LUZP2: variants seen among roughly 807,000 people sequenced by gnomAD.
LUZP2 encodes leucine zipper protein 2.
In LUZP2, 52 loss-of-function variants were observed where a neutral mutation model predicts 51.6. The ratio of observed to expected loss-of-function variants is 1.01; its 90% CI spans 0.81 to 1.27. The LOEUF (loss-of-function observed/expected upper bound fraction) is 1.27. Among genes scored for constraint, LUZP2 ranks in the 50% most tolerant of loss-of-function variants. The pLI, the probability that LUZP2 is intolerant of heterozygous loss-of-function variation, is 0.00. For missense variants in LUZP2, 436 were observed against 395.4 expected, an observed-to-expected ratio of 1.10 and a Z score of -0.87; for synonymous variants, 154 against 137.3, an observed-to-expected ratio of 1.12 and a Z score of -0.85.
At chr11:24,571,859 G>T (rs1852454054) in intron 1 of LUZP2, among the ~76,000 whole-genome samples, 1 of 151,944 alleles carries the variant, frequency 6.6e-6, no homozygotes, top group Admixed American at 6.6e-5. Flanking sequence ...TATAGCTTGT[G>T]ATTACTATAA....
chr11:24,602,126 G>GTATATATGTATATATGTA (rs533429284), intron 1 of LUZP2, among the ~76,000 whole-genome samples: 29 of 105,162 alleles, frequency 2.8e-4, no homozygotes, highest in African/African-American at 1.1e-3. Flanking sequence ...ATGTATATAT[G>GTATATATGTATATATGTA]TATATGTGTA....
chr11:24,871,785 A>C (rs533459006), intron 5 of LUZP2, among the ~76,000 whole-genome samples: 1 of 152,272 alleles, frequency 6.6e-6, no homozygotes, highest in Non-Finnish European at 1.5e-5. Flanking sequence ...CAAATTTGAT[A>C]AAATCAAGGT....
intron 7 of LUZP2, among the ~76,000 whole-genome samples, chr11:24,962,618 G>T (rs549517222): frequency 1.3e-5 from 2 of 152,276 alleles, no homozygotes; most frequent in Non-Finnish European, 2.9e-5. Flanking sequence ...AGCTCCATCA[G>T]CTCCTTTAGG....
intron 2 of LUZP2, among the ~76,000 whole-genome samples, chr11:24,730,812 T>C (rs950331024): frequency 6.6e-6 from 1 of 151,730 alleles, no homozygotes; most frequent in Non-Finnish European, 1.5e-5. Flanking sequence ...TATACAATTT[T>C]ATGGAGCTAC....
At chr11:24,815,545 ATAAG>A (rs1181903391) in intron 5 of LUZP2, among the ~76,000 whole-genome samples, 2 of 152,178 alleles carry the variant, frequency 1.3e-5, no homozygotes, top group Non-Finnish European at 2.9e-5. Context: ...CTGGTGTCAT[ATAAG>A]TAAGAGTTGA....
intron 5 of LUZP2, among the ~76,000 whole-genome samples, chr11:24,840,837 A>T (rs186963872): frequency 6.6e-6 from 1 of 152,138 alleles, no homozygotes; most frequent in East Asian, 1.9e-4. Context: ...TGTCAGCATC[A>T]TTCTATCTAA....
chr11:24,531,972 G>A (rs892422102), intron 1 of LUZP2, among the ~76,000 whole-genome samples: 5 of 150,724 alleles, frequency 3.3e-5, no homozygotes, highest in African/African-American at 4.9e-5. Context: ...TGCTACCACC[G>A]TAATCCAAGC....
chr11:24,826,301 C>CT (rs1406615178), intron 5 of LUZP2, among the ~76,000 whole-genome samples: 2 of 148,834 alleles, frequency 1.3e-5, no homozygotes, highest in Admixed American at 6.7e-5. Flanking sequence ...TAATTATTGT[C>CT]TTATAGATCT....
At chr11:24,677,165 G>A (rs1381137552) in intron 1 of LUZP2, among the ~76,000 whole-genome samples, 1 of 151,950 alleles carries the variant, frequency 6.6e-6, no homozygotes, top group Admixed American at 6.6e-5. Context: ...ATCTCCACCT[G>A]TAGCTGCCTG....
At chr11:24,607,287 C>A (rs1035017149) in intron 1 of LUZP2, among the ~76,000 whole-genome samples, 2 of 142,604 alleles carry the variant, frequency 1.4e-5, no homozygotes, top group African/African-American at 2.6e-5. Context: ...ATGTTTGAAC[C>A]TTTAATCCAT....
At chr11:24,986,739 A>C (rs1005058553) in intron 9 of LUZP2, among the ~76,000 whole-genome samples, 1 of 151,756 alleles carries the variant, frequency 6.6e-6, no homozygotes, top group Non-Finnish European at 1.5e-5. Context: ...CTCACTTTGT[A>C]TATCTATTGC....
intron 1 of LUZP2, among the ~76,000 whole-genome samples, chr11:24,674,982 T>G (rs1282940592): frequency 2.6e-5 from 4 of 152,230 alleles, no homozygotes; most frequent in Admixed American, 6.5e-5. Context: ...ATGTTGTTTG[T>G]GTAGCACATA....
rs952789853 is a variant in LUZP2, at chr11:25,063,718, C to A, written c.858+13588C>A. The stretch of plus-strand genomic sequence containing the variant: ...TGAATGGACCACATTAATCATTAAC[C>A]ACCATTTGTTAAATACATAATTTCA... On this transcript the variant is annotated intron_variant, in intron 10 of 11. Transcript: ENST00000336930. Among the ~76,000 whole-genome samples the A allele has an allele frequency of 7.6e-4, 116 of 151,762 alleles. 4 individuals are homozygous for A. The highest frequency in any genetic ancestry group is 1.5e-3 in the Non-Finnish European group (101 of 67,774).
intron 10 of LUZP2, among the ~76,000 whole-genome samples, chr11:25,057,795 C>T (rs1375662899): frequency 6.6e-6 from 1 of 151,906 alleles, no homozygotes; most frequent in African/African-American, 2.4e-5. Flanking sequence ...TTGCAAGTCC[C>T]TTACCAAAGG....
chr11:24,677,900 G>A (rs1856616962), intron 1 of LUZP2, among the ~76,000 whole-genome samples: 1 of 152,040 alleles, frequency 6.6e-6, no homozygotes, highest in Non-Finnish European at 1.5e-5. Context: ...AGCCGGGCAT[G>A]GTGGCGGGCG....
chr11:24,751,916 A>G (rs184500382), intron 4 of LUZP2, among the ~76,000 whole-genome samples: 4 of 152,218 alleles, frequency 2.6e-5, no homozygotes, highest in African/African-American at 9.6e-5. Context: ...AAAACAAAAA[A>G]TCATAAAAAA....
rs1860051384 is a variant in LUZP2 at position 24,763,260 on chromosome 11, G to GA, written c.349dup (p.Thr117AsnfsTer2). 7.2e-7 allele frequency: 1 copy of GA among 1,386,858 alleles called. No homozygotes were observed. The highest frequency in any genetic ancestry group is 9.6e-7 in the Non-Finnish European group (1 of 1,045,774). 85.9% of individuals were successfully genotyped at this position (1,386,858 alleles called of 1,614,324 possible). On this transcript the variant is annotated frameshift_variant, in exon 5 of 12. Coordinates refer to ENST00000336930, the MANE Select transcript of LUZP2 (RefSeq NM_001009909.4). LOFTEE classifies it high-confidence loss of function. ...TTCATTTTCAGATTAATTTTTTAAAGACTGAAGTTGAAAGAAAGAGCAAAA... is the reference window on the plus strand; with the variant it reads ...TTCATTTTCAGATTAATTTTTTAAAGAACTGAAGTTGAAAGAAAGAGCAAAA...
intron 5 of LUZP2, among the ~76,000 whole-genome samples, chr11:24,893,772 GCACACACACACACACACA>G (rs34127798): frequency 1.3e-5 from 2 of 149,432 alleles, no homozygotes; most frequent in South Asian, 4.3e-4. Context: ...AAATACACAC[GCACACACACACACACACA>G]CACACACACG....
At chr11:25,038,666 G>A (rs532128380) in intron 9 of LUZP2, among the ~76,000 whole-genome samples, 1 of 152,194 alleles carries the variant, frequency 6.6e-6, no homozygotes, top group Non-Finnish European at 1.5e-5. Flanking sequence ...AATTCAGACT[G>A]ATTAAGAACC....
Sources: allele counts gnomAD v4.1 joint callset (sites outside exome capture counted in the v4.1 genomes callset), GRCh38; gene constraint gnomAD v4.1.1; transcripts MANE v1.5; gene names NCBI Gene and HGNC (gene_info 2026-07-23, HGNC 2026-07-21).